YWHAE: variants seen among roughly 807,000 people sequenced by gnomAD.
YWHAE encodes tyrosine 3-monooxygenase/tryptophan 5-monooxygenase activation protein epsilon.
Under a neutral mutation model 30.1 loss-of-function variants are expected in YWHAE, and 4 were observed. The observed-to-expected ratio is 0.13, with a 90% CI of 0.07 to 0.30. The LOEUF is 0.30. YWHAE is among the 10% of genes least tolerant of loss of function. The pLI is 1.00. For synonymous variants in YWHAE, 118 were observed against 111.8 expected (o/e 1.06, Z -0.35); for missense variants, 121 against 315.9 (o/e 0.38, Z 4.68).
At chr17:1,361,536 C>A (rs576445543) in intron 3 of YWHAE, 2 of 450,878 alleles carry the variant, frequency 4.4e-6, no homozygotes, top group South Asian at 4.7e-5. Flanking sequence ...AACTGAGGAG[C>A]CTCTAAAAAT....
At chr17:1,387,995 G>C (rs1158495155) in intron 1 of YWHAE, among the ~76,000 whole-genome samples, 1 of 139,066 alleles carries the variant, frequency 7.2e-6, no homozygotes, top group Non-Finnish European at 1.5e-5. Context: ...GCACTATCTC[G>C]GCTCACTGCA....
chr17:1,388,113 GGTTGGTTT>G (rs2073332274), intron 1 of YWHAE, among the ~76,000 whole-genome samples: 11 of 35,134 alleles, frequency 3.1e-4, no homozygotes, highest in African/African-American at 1.1e-3. Context: ...TTTTTTTTTT[GGTTGGTTT>G]TTTTTTTTTT....
chr17:1,367,240 T>C (rs2072959220), intron 1 of YWHAE, among the ~76,000 whole-genome samples: 2 of 152,152 alleles, frequency 1.3e-5, no homozygotes, highest in Admixed American at 6.6e-5. Flanking sequence ...CCCTCAAATG[T>C]GCATCCAGAG....
At chr17:1,389,344 C>T (rs2073354979) in intron 1 of YWHAE, among the ~76,000 whole-genome samples, 1 of 152,196 alleles carries the variant, frequency 6.6e-6, no homozygotes. Context: ...ACAAAGTCTT[C>T]AGCTGACTAA....
Position 1,344,741 on chromosome 17 carries a change from G to T in YWHAE, c.*706C>A, listed in dbSNP as rs1370867379. On this transcript the variant is annotated 3_prime_UTR_variant, in exon 6 of 6. Coordinates refer to ENST00000264335, the MANE Select transcript of YWHAE (RefSeq NM_006761.5). ...AGTGAGGGGAAGGAGGTAGGGGGAG[G>T]GGGAAGGAGAAGAAACAAAAGAATT... 4.3e-6 allele frequency: 1 copy of T among 231,900 alleles called. No homozygotes were observed. The highest frequency in any genetic ancestry group is 2.2e-5 in the African/African-American group (1 of 45,146). The allele number at this position is 231,900 out of a possible 1,614,324, so 14.4% of individuals were successfully genotyped here.
At chr17:1,381,491 A>T (rs188320170) in intron 1 of YWHAE, among the ~76,000 whole-genome samples, 1 of 152,334 alleles carries the variant, frequency 6.6e-6, no homozygotes, top group African/African-American at 2.4e-5. Context: ...CATGGGCAAC[A>T]GGACAAGACT....
chr17:1,357,255 T>G (rs1567959992), intron 4 of YWHAE, among the ~76,000 whole-genome samples: 1 of 150,574 alleles, frequency 6.6e-6, no homozygotes, highest in South Asian at 2.1e-4. Flanking sequence ...TACCAAAAAT[T>G]AGCCGGGCGT....
At position 1,400,167 on chromosome 17, in the gene YWHAE, ACTCT is replaced by A. The variant is rs2073547331; in HGVS notation, c.-61_-58del. On this transcript the variant is annotated 5_prime_UTR_variant, in exon 1 of 6. Transcript: ENST00000264335. ...CGGATGGAAGCGGATAGTGTCTCCG[ACTCT>A]CTCAGCCTCTCGCTCCGCGTCCGGG... The A allele has an allele frequency of 1.2e-6, 2 of 1,600,988 alleles. No homozygotes were observed. Among genetic ancestry groups the A allele is most frequent in the African/African-American group, 1.3e-5 (1 of 74,416 alleles).
At chr17:1,367,472 C>A (rs2072962719) in intron 1 of YWHAE, among the ~76,000 whole-genome samples, 1 of 152,104 alleles carries the variant, frequency 6.6e-6, no homozygotes, top group South Asian at 2.1e-4. Context: ...TGTGTGCCTG[C>A]GGTCTCAACT....
At chr17:1,398,466 T>C (rs1214685769) in intron 1 of YWHAE, among the ~76,000 whole-genome samples, 1 of 152,116 alleles carries the variant, frequency 6.6e-6, no homozygotes, top group East Asian at 1.9e-4. Flanking sequence ...CTGAATCTTA[T>C]TTCTGATGAT....
intron 1 of YWHAE, among the ~76,000 whole-genome samples, chr17:1,392,792 G>C (rs1005679094): frequency 4.6e-5 from 7 of 151,872 alleles, no homozygotes; most frequent in Non-Finnish European, 8.8e-5. Flanking sequence ...GGAGGCTGCA[G>C]TGAGCCAAGA....
chr17:1,385,660 C>CA (rs1567981538), intron 1 of YWHAE, among the ~76,000 whole-genome samples: 3 of 152,216 alleles, frequency 2.0e-5, no homozygotes, highest in African/African-American at 7.2e-5. Context: ...GGAAGGAAGA[C>CA]GGAGGATGCA....
chr17:1,350,742 T>C (rs1018737351), intron 5 of YWHAE, among the ~76,000 whole-genome samples: 8 of 150,466 alleles, frequency 5.3e-5, no homozygotes, highest in African/African-American at 2.0e-4. Flanking sequence ...GTGCCCAGCA[T>C]ATGTTTTTAT....
intron 1 of YWHAE, among the ~76,000 whole-genome samples, chr17:1,382,150 G>A (rs8066221): frequency 0.49 from 73,771 of 150,834 alleles, 19,201 homozygotes; most frequent in African/African-American, 0.67. Context: ...CCGGGTTCAC[G>A]CCATTCTCCT....
At chr17:1,352,827 G>C (rs1442406217) in intron 5 of YWHAE, among the ~76,000 whole-genome samples, 1 of 151,990 alleles carries the variant, frequency 6.6e-6, no homozygotes, top group Non-Finnish European at 1.5e-5. Flanking sequence ...GCCCGGCACA[G>C]CCTTAGAAAC....
chr17:1,372,254 T>C (rs551458405), intron 1 of YWHAE, among the ~76,000 whole-genome samples: 1 of 152,362 alleles, frequency 6.6e-6, no homozygotes, highest in East Asian at 1.9e-4. Context: ...CTTTCTTAAA[T>C]TTGAAGAGAG....
At chr17:1,392,294 G>T (rs967456130) in intron 1 of YWHAE, among the ~76,000 whole-genome samples, 2 of 152,176 alleles carry the variant, frequency 1.3e-5, no homozygotes, top group Non-Finnish European at 2.9e-5. Flanking sequence ...ATGATCATTT[G>T]GGCCTGGGAG....
intron 5 of YWHAE, among the ~76,000 whole-genome samples, chr17:1,346,225 T>C (rs1306795717): frequency 6.6e-6 from 1 of 152,204 alleles, no homozygotes; most frequent in East Asian, 1.9e-4. Flanking sequence ...AAGCCACCTA[T>C]TGGTTGGAGG....
intron 5 of YWHAE, among the ~76,000 whole-genome samples, chr17:1,346,714 C>A (rs946860105): frequency 6.6e-6 from 1 of 152,120 alleles, no homozygotes; most frequent in African/African-American, 2.4e-5. Flanking sequence ...ACGCCGGGCA[C>A]GGTGGCTCAC....
Sources: gnomAD v4.1 joint callset for allele counts (sites outside exome capture counted in the v4.1 genomes callset) on GRCh38, gnomAD v4.1.1 for gene constraint, MANE v1.5 for transcripts, NCBI Gene and HGNC (gene_info 2026-07-23, HGNC 2026-07-21) for gene names.